The following DYNC2I2 variants were observed in gnomAD, a reference collection of about 807,000 sequenced individuals.
DYNC2I2 encodes dynein 2 intermediate chain 2, also known as cytoplasmic dynein 2 intermediate chain 2.
A neutral mutation model predicts 52.0 loss-of-function variants in DYNC2I2; 39 were observed. The observed-to-expected ratio is 0.75, with a 90% CI of 0.58 to 0.98. The LOEUF (loss-of-function observed/expected upper bound fraction) is 0.98, where lower values mean the gene tolerates loss of function less well. Ranked by LOEUF, DYNC2I2 falls within the 50% of genes least tolerant of loss-of-function variation. DYNC2I2 has a pLI of 0.00. For synonymous variants in DYNC2I2, 359 were observed against 321.1 expected, an observed-to-expected ratio of 1.12 and a Z score of -1.26; for missense variants, 743 against 728.4, an observed-to-expected ratio of 1.02 and a Z score of -0.23.
At chr9:128,678,448 ATTTTTTTTTTTTT>A in the DYNC2I2 span, among the ~76,000 whole-genome samples, 22 of 61,382 alleles carry the variant, frequency 3.6e-4, no homozygotes, top group East Asian at 8.7e-3. Context: ...ACCACAGGTA[ATTTTTTTTTTTTT>A]TTTTTTTTTT....
chr9:128,645,616 C>CAAA lies in DYNC2I2; in HGVS notation c.187-4680_187-4678dup, dbSNP rs59742854. On this transcript the variant is annotated intron_variant, in intron 1 of 8. Coordinates refer to ENST00000372715, the MANE Select transcript of DYNC2I2 (RefSeq NM_052844.4). Reference sequence around the variant, plus strand: ...TGGGCAACAAAGTGAGACTCCATCTCAAAAAAAAAAAAAAAAAAAAAAAAA... The same window carrying CAAA: ...TGGGCAACAAAGTGAGACTCCATCTCAAAAAAAAAAAAAAAAAAAAAAAAAAAA... Among the ~76,000 whole-genome samples the CAAA allele has an allele frequency of 6.9e-4, 44 of 63,944 alleles. 3 individuals carry two copies. The highest frequency in any genetic ancestry group is 2.1e-3 in the African/African-American group (36 of 16,752). 41.9% of individuals were successfully genotyped at this position (63,944 alleles called of 152,430 possible).
intron 1 of DYNC2I2, among the ~76,000 whole-genome samples, chr9:128,642,137 A>G (rs1412300758): frequency 6.6e-6 from 1 of 151,492 alleles, no homozygotes; most frequent in Non-Finnish European, 1.5e-5. Context: ...AATACAAAAA[A>G]TTAGCTGGGC....
chr9:128,649,191 A>G (rs1450305241), intron 1 of DYNC2I2, among the ~76,000 whole-genome samples: 3 of 152,124 alleles, frequency 2.0e-5, no homozygotes, highest in Non-Finnish European at 4.4e-5. Flanking sequence ...CACAGCTTTC[A>G]TTTCAGCACT....
intron 1 of DYNC2I2, among the ~76,000 whole-genome samples, chr9:128,649,367 T>C (rs1387438284): frequency 6.6e-6 from 1 of 151,958 alleles, no homozygotes. Context: ...TCGCTTAAGC[T>C]CAAGAGTTTG....
chr9:128,642,453 C>CAA (rs34018869), intron 1 of DYNC2I2, among the ~76,000 whole-genome samples: 22 of 78,442 alleles, frequency 2.8e-4, no homozygotes, highest in East Asian at 3.4e-4. Flanking sequence ...GAGACTTTCT[C>CAA]AAAAAAAAAA....
At position 128,634,333 on chromosome 9, in the gene DYNC2I2, A is replaced by G; in HGVS notation, c.1265T>C (p.Met422Thr). The change falls in exon 8 of 9, where the codon ATG becomes ACG. Residue 422 changes from methionine to threonine, a missense_variant. Met to Thr is a moderately conservative substitution (Grantham distance 81, BLOSUM62 -1). Transcript: ENST00000372715. ...CGAAGTCAAGGGAGGGGCCTGCAGC[A>G]TGGAGTACAGGTGGACATGCCCGTC... is the stretch of plus-strand genomic sequence containing the variant. Reference protein sequence around the residue: ...GTDGHVHLYSMLQAPPLTSLQ... With the variant: ...GTDGHVHLYSTLQAPPLTSLQ... 1.2e-6 allele frequency: 2 copies of G among 1,612,028 alleles called. No homozygotes were observed. The highest frequency in any genetic ancestry group is 1.1e-5 in the South Asian group (1 of 90,888).
At chr9:128,684,004 G>A in the DYNC2I2 span, 1 of 1,548,366 alleles carries the variant, frequency 6.5e-7, no homozygotes, top group Non-Finnish European at 8.7e-7. Context: ...GCCGAAGAAG[G>A]GAGGTACGTT....
intron 1 of DYNC2I2, among the ~76,000 whole-genome samples, chr9:128,655,335 T>A (rs868043752): frequency 3.2e-4 from 6 of 18,684 alleles, no homozygotes; most frequent in Non-Finnish European, 5.7e-4. Flanking sequence ...CCGTCTCTAC[T>A]AAAAAAAAAA....
At chr9:128,659,604 A>T (rs1352620423), upstream of DYNC2I2, among the ~76,000 whole-genome samples, 1 of 151,650 alleles carries the variant, frequency 6.6e-6, no homozygotes, top group East Asian at 1.9e-4. Flanking sequence ...CGTCTCTAAG[A>T]CAAAACCTAT....
the DYNC2I2 span, among the ~76,000 whole-genome samples, chr9:128,680,383 A>ATTG: frequency 7.2e-6 from 1 of 137,972 alleles, no homozygotes; most frequent in East Asian, 2.4e-4. Context: ...TATTATTATT[A>ATTG]TTATATTTTT....
rs972315497 is a variant in DYNC2I2 at position 128,656,633 on chromosome 9, G to A, written c.94C>T (p.Pro32Ser). Residue 32 changes from proline to serine, a missense_variant, in exon 1 of 9, where the codon CCG (proline) becomes TCG (serine). Physicochemically the swap from Pro to Ser is moderately conservative, Grantham distance 74. Transcript: ENST00000372715. Reference sequence around the variant, plus strand: ...TCCTGCAGCGGCCCTGGCCGCCCCGGCCCCGGGCCGCTCGCAACCCCGACT... The same window carrying A: ...TCCTGCAGCGGCCCTGGCCGCCCCGACCCCGGGCCGCTCGCAACCCCGACT... ...ATVGVASGPG[P>S]GRPGPLQDET... 2.0e-6 allele frequency: 3 copies of A among 1,500,352 alleles called. No individual in the cohort carries two copies. Among genetic ancestry groups the A allele is most frequent in the African/African-American group, 1.4e-5 (1 of 69,370 alleles). The allele number at this position is 1,500,352 out of a possible 1,614,324, so 92.9% of individuals were successfully genotyped here. A position where few individuals can be genotyped will look rare whatever the true frequency, so the allele number is the denominator to read the frequency against.
intron 2 of DYNC2I2, among the ~76,000 whole-genome samples, chr9:128,640,012 C>CTTTTTTTTTTT (rs71381781): frequency 5.0e-5 from 6 of 118,892 alleles, no homozygotes; most frequent in African/African-American, 1.4e-4. Context: ...AGGAGACATT[C>CTTTTTTTTTTT]TTTTTTTTTT....
Position 128,633,960 on chromosome 9 carries a change from G to C in DYNC2I2, c.1395C>G (p.Leu465=). 1.2e-6 allele frequency: 2 copies of C among 1,613,054 alleles called. No individual in the cohort carries two copies. The highest frequency in any genetic ancestry group is 1.7e-6 in the Non-Finnish European group (2 of 1,180,038). The change falls in exon 9 of 9, where the codon CTC becomes CTG. Residue 465 remains leucine (L), a synonymous_variant. Coordinates refer to ENST00000372715, the MANE Select transcript of DYNC2I2 (RefSeq NM_052844.4). ...CTGTGGGTTTCTGGGAGCTTTTCTG[G>C]AGATCAAACAGCTGCACGTCACCTG... The part of the protein sequence containing the change: ...SGKGDVQLFD[L]QKSSQKPTVL...
chr9:128,677,600 C>T, the DYNC2I2 span, among the ~76,000 whole-genome samples: 2 of 151,702 alleles, frequency 1.3e-5, no homozygotes, highest in East Asian at 3.9e-4. Context: ...GAGTTCAAAA[C>T]CAGCCTGACC....
chr9:128,651,717 C>T (rs1860717097), intron 1 of DYNC2I2: 1 of 142,154 alleles, frequency 7.0e-6, no homozygotes, highest in African/African-American at 2.7e-5. Context: ...GTTTTGAGAC[C>T]AGCCTGGCCA....
chr9:128,635,815 T>C, intron 4 of DYNC2I2, 48 bp from the exon 5 acceptor site: 1 of 1,541,800 alleles, frequency 6.5e-7, no homozygotes. Flanking sequence ...ACCCCCAGCC[T>C]GACTTCCTGG....
the DYNC2I2 span, among the ~76,000 whole-genome samples, chr9:128,673,001 G>A: frequency 6.6e-6 from 1 of 152,064 alleles, no homozygotes; most frequent in Admixed American, 6.6e-5. Flanking sequence ...TCCAGCCTGG[G>A]CGACAGAGTG....
rs752824444 is a variant in DYNC2I2, at chr9:128,636,905, C to T, written c.545+13G>A. The T allele has an allele frequency of 1.4e-5, 23 of 1,606,156 alleles. No individual in the cohort carries two copies. The highest frequency in any genetic ancestry group is 6.7e-5 in the Admixed American group (4 of 59,744). On this transcript the variant is annotated intron_variant, in intron 3 of 8. Transcript: ENST00000372715. Reference sequence around the variant, plus strand: ...GTGGCGAGCTGCCCCTCACCTGCCCCGCTGCCACTCACCGGCCGTAGGCAC... The same window carrying T: ...GTGGCGAGCTGCCCCTCACCTGCCCTGCTGCCACTCACCGGCCGTAGGCAC...
chr9:128,659,030 A>T (rs1362095362), upstream of DYNC2I2, among the ~76,000 whole-genome samples: 1 of 151,732 alleles, frequency 6.6e-6, no homozygotes, highest in African/African-American at 2.4e-5. Flanking sequence ...CCCCAGGCCA[A>T]AGCAGATGGT....
Sources: allele counts gnomAD v4.1 joint callset (sites outside exome capture counted in the v4.1 genomes callset), GRCh38; gene constraint gnomAD v4.1.1; transcripts MANE v1.5; gene names NCBI Gene and HGNC (gene_info 2026-07-23, HGNC 2026-07-21).